The following SPECC1 variants were observed in gnomAD, a reference collection of about 807,000 sequenced individuals.
SPECC1 encodes the protein sperm antigen with calponin homology and coiled-coil domains 1.
Under a neutral mutation model 104.1 loss-of-function variants are expected in SPECC1, and 62 were observed. The observed-to-expected ratio is 0.60, with a 90% confidence interval of 0.49 to 0.74. SPECC1 has a LOEUF of 0.74. Ranked by LOEUF, SPECC1 falls within the 30% of genes least tolerant of loss-of-function variation. The pLI, the probability that SPECC1 is intolerant of heterozygous loss-of-function variation, is 0.00. For missense variants in SPECC1, 1,306 were observed against 1,310.5 expected, an observed-to-expected ratio of 1.00 and a Z score of 0.05; for synonymous variants, 513 against 501.6, an observed-to-expected ratio of 1.02 and a Z score of -0.30.
chr17:20,174,615 A>T (rs1315566747), intron 3 of SPECC1, among the ~76,000 whole-genome samples: 1 of 151,220 alleles, frequency 6.6e-6, no homozygotes. Flanking sequence ...TCTCCCCCCC[A>T]TCAGTCTTGG....
At chr17:20,033,352 T>G (rs2044906166) in intron 1 of SPECC1, among the ~76,000 whole-genome samples, 1 of 152,174 alleles carries the variant, frequency 6.6e-6, no homozygotes, top group African/African-American at 2.4e-5. Context: ...TTCTGGAGCC[T>G]CTTGTTCTTA....
rs760781593 is a variant in SPECC1 at position 20,208,519 on chromosome 17, C to T, written c.1863+2607C>T. Among the ~76,000 whole-genome samples the T allele has an allele frequency of 4.6e-5, 7 of 152,182 alleles. No individual in the cohort carries two copies. In the South Asian group the frequency reaches 8.3e-4, roughly 18 times the overall value. On this transcript the variant is annotated intron_variant, in intron 4 of 14. Transcript: ENST00000395527. ...TTTAAATGATAATACTTAAGAGACT[C>T]ATGTCCAAAGGATAACAGGAGAAGT...
intron 1 of SPECC1, among the ~76,000 whole-genome samples, chr17:20,048,162 C>CT (rs2045609555): frequency 6.9e-6 from 1 of 145,650 alleles, no homozygotes; most frequent in East Asian, 2.1e-4. Flanking sequence ...GAGACAGAGT[C>CT]TTGCTCTGTC....
chr17:20,311,205 A>G (rs559422938), intron 14 of SPECC1, among the ~76,000 whole-genome samples: 46 of 150,738 alleles, frequency 3.1e-4, no homozygotes, highest in African/African-American at 1.1e-3. Context: ...ACTTTTGTAT[A>G]CTGACCTTGT....
At position 20,156,021 on chromosome 17, in the gene SPECC1, G is replaced by A. The variant is rs1032861713; in HGVS notation, c.283+45459G>A. 3.6e-5 allele frequency: 46 copies of A among 1,287,010 alleles called. No individual in the cohort carries two copies. The African/African-American group carries it at 6.0e-4, about 17-fold the overall frequency. 79.7% of individuals were successfully genotyped at this position (1,287,010 alleles called of 1,614,324 possible). ...ATGAGGGGGCGGGGCCCACGGGCGCGGGAGAGCAGCGGCTCCGCCGGCAGC... is the reference window on the plus strand; with the variant it reads ...ATGAGGGGGCGGGGCCCACGGGCGCAGGAGAGCAGCGGCTCCGCCGGCAGC... On this transcript the variant is annotated intron_variant, in intron 3 of 14. Coordinates refer to ENST00000395527, the MANE Select transcript of SPECC1 (RefSeq NM_001243439.2).
chr17:20,245,394 C>T (rs1183278067), intron 7 of SPECC1, among the ~76,000 whole-genome samples: 3 of 152,132 alleles, frequency 2.0e-5, no homozygotes, highest in Non-Finnish European at 4.4e-5. Flanking sequence ...GGTGCCCTGC[C>T]TCTCTTCCTC....
intron 13 of SPECC1, among the ~76,000 whole-genome samples, chr17:20,299,463 G>A (rs1018264767): frequency 3.3e-5 from 5 of 150,978 alleles, no homozygotes; most frequent in Admixed American, 3.3e-4. Context: ...AGGAGGCTGA[G>A]GTGGGAGAAT....
intron 3 of SPECC1, among the ~76,000 whole-genome samples, chr17:20,189,984 G>GT (rs943407139): frequency 2.6e-5 from 4 of 152,006 alleles, no homozygotes; most frequent in Non-Finnish European, 4.4e-5. Context: ...ACTCTTTTGT[G>GT]TTTTTTTCCC....
intron 1 of SPECC1, among the ~76,000 whole-genome samples, chr17:20,060,171 A>C (rs2046130952): frequency 6.6e-6 from 1 of 152,158 alleles, no homozygotes; most frequent in Non-Finnish European, 1.5e-5. Flanking sequence ...GCAGCTTTCA[A>C]TGACGCCTCT....
intron 1 of SPECC1, among the ~76,000 whole-genome samples, chr17:20,010,637 C>G (rs552477445): frequency 1.2e-4 from 19 of 152,232 alleles, no homozygotes; most frequent in African/African-American, 4.1e-4. Flanking sequence ...TCGCTTGATT[C>G]GTTTGCCTCT....
intron 2 of SPECC1, among the ~76,000 whole-genome samples, 177 bp downstream of exon 2, chr17:20,096,975 TG>T (rs370759228): frequency 6.6e-6 from 1 of 151,682 alleles, no homozygotes; most frequent in African/African-American, 2.4e-5. Flanking sequence ...CGGGTGGGAG[TG>T]GGGGCCCTCT....
chr17:20,202,960 G>A (rs950477074), intron 3 of SPECC1, among the ~76,000 whole-genome samples: 5 of 152,150 alleles, frequency 3.3e-5, no homozygotes, highest in African/African-American at 1.2e-4. Context: ...GAGCTCAGCT[G>A]TTAGATGTTT....
At chr17:20,309,716 A>G (rs1232814193) in intron 14 of SPECC1, among the ~76,000 whole-genome samples, 2 of 152,166 alleles carry the variant, frequency 1.3e-5, no homozygotes, top group Non-Finnish European at 2.9e-5. Flanking sequence ...ACGCTGCTGC[A>G]AAGGACATGA....
chr17:20,068,707 T>C (rs2046444498), intron 1 of SPECC1, among the ~76,000 whole-genome samples: 1 of 152,250 alleles, frequency 6.6e-6, no homozygotes, highest in Non-Finnish European at 1.5e-5. Flanking sequence ...CATCTCCCAG[T>C]GGCTTTGGTT....
intron 10 of SPECC1, among the ~76,000 whole-genome samples, chr17:20,255,135 A>T (rs2039778235): frequency 6.6e-6 from 1 of 152,188 alleles, no homozygotes; most frequent in Non-Finnish European, 1.5e-5. Context: ...TAAAGTGGTG[A>T]AAGTTTACGT....
At chr17:20,208,557 C>G (rs1286023292) in intron 4 of SPECC1, among the ~76,000 whole-genome samples, 1 of 152,150 alleles carries the variant, frequency 6.6e-6, no homozygotes, top group East Asian at 1.9e-4. Context: ...TAGCACAAAA[C>G]TATGATGAAG....
chr17:20,304,026 C>A (rs1270804612), intron 13 of SPECC1, among the ~76,000 whole-genome samples: 1 of 146,962 alleles, frequency 6.8e-6, no homozygotes, highest in African/African-American at 2.5e-5. Context: ...AATCCCAGCA[C>A]TTTGGGAGGC....
chr17:20,018,451 C>T (rs553079339), intron 1 of SPECC1, among the ~76,000 whole-genome samples: 5 of 152,294 alleles, frequency 3.3e-5, no homozygotes, highest in South Asian at 2.1e-4. Context: ...AGTGCATTGG[C>T]GCAGTCATAG....
chr17:20,013,275 G>A (rs2152426029), intron 1 of SPECC1, among the ~76,000 whole-genome samples: 1 of 152,216 alleles, frequency 6.6e-6, no homozygotes, highest in East Asian at 1.9e-4. Context: ...TGATGACCCA[G>A]CATAGTGTTT....
Sources: allele counts gnomAD v4.1 joint callset (sites outside exome capture counted in the v4.1 genomes callset), GRCh38; gene constraint gnomAD v4.1.1; transcripts MANE v1.5; gene names NCBI Gene and HGNC (gene_info 2026-07-23, HGNC 2026-07-21).